The following CAPN3 variants were observed in gnomAD, a reference collection of about 807,000 sequenced individuals.
The protein encoded by CAPN3 is calpain 3.
Under a neutral mutation model 114.0 loss-of-function variants are expected in CAPN3, and 88 were observed. The ratio of observed to expected loss-of-function variants is 0.77; its 90% CI spans 0.65 to 0.92. The LOEUF (loss-of-function observed/expected upper bound fraction) is 0.92, where lower values mean the gene tolerates loss of function less well. Ranked by LOEUF, CAPN3 falls within the 40% of genes least tolerant of loss-of-function variation. The pLI, the probability that CAPN3 is intolerant of heterozygous loss-of-function variation, is 0.00. For synonymous variants in CAPN3, 386 were observed against 382.9 expected (o/e 1.01, Z -0.09); for missense variants, 1,028 against 1,069.0 (o/e 0.96, Z 0.53).
intron 1 of CAPN3, among the ~76,000 whole-genome samples, chr15:42,361,782 A>T (rs573055804): frequency 1.5e-3 from 232 of 152,132 alleles, no homozygotes; most frequent in Non-Finnish European, 2.8e-3. Context: ...CTTTCCCCAG[A>T]TCCTGACACA....
At chr15:42,383,114 T>C (rs901394874) in intron 1 of CAPN3, among the ~76,000 whole-genome samples, 3 of 152,070 alleles carry the variant, frequency 2.0e-5, no homozygotes, top group Non-Finnish European at 4.4e-5. Flanking sequence ...TGCTGTGGGG[T>C]GTAGCATAAG....
Position 42,389,950 on chromosome 15 carries a change from C to T in CAPN3, c.802-3C>T, listed in dbSNP as rs1376586945. ...GTTCCCTACATTCTCCATCGGGCCT[C>T]AGGATGGCACGAACATGACCTATGG... On this transcript the variant is annotated splice_polypyrimidine_tract_variant and splice_region_variant and intron_variant, in intron 5 of 23. Transcript: ENST00000397163. 6 of 1,614,090 alleles carry T rather than the reference C, an allele frequency of 3.7e-6. No individual in the cohort carries two copies. Among genetic ancestry groups the T allele is most frequent in the East Asian group, 2.2e-5 (1 of 44,884 alleles).
At chr15:42,396,772 T>G (rs748299263) in intron 8 of CAPN3, 28 bp from the exon 9 acceptor site, 15 of 1,585,226 alleles carry the variant, frequency 9.5e-6, no homozygotes, top group Non-Finnish European at 1.0e-5. Context: ...TTCTTCCTGC[T>G]TCCTTAATTC....
intron 15 of CAPN3, among the ~76,000 whole-genome samples, chr15:42,407,898 A>G (rs181513211): frequency 4.9e-4 from 70 of 144,310 alleles, no homozygotes; most frequent in African/African-American, 1.9e-3. Flanking sequence ...TTCCATCTGG[A>G]AAAAAAAAAG....
intron 1 of CAPN3, among the ~76,000 whole-genome samples, chr15:42,370,939 A>T (rs969339825): frequency 2.6e-5 from 4 of 152,064 alleles, no homozygotes; most frequent in African/African-American, 7.2e-5. Context: ...ACTTCATTCA[A>T]ATCCCAGCTC....
At chr15:42,397,928 A>G (rs1385407908) in intron 9 of CAPN3, among the ~76,000 whole-genome samples, 2 of 151,680 alleles carry the variant, frequency 1.3e-5, no homozygotes, top group African/African-American at 4.8e-5. Context: ...AGGCTGAAGC[A>G]GGGGGTCACT....
intron 17 of CAPN3, 111 bp from the exon 18 acceptor site, chr15:42,409,676 G>A: frequency 9.9e-7 from 1 of 1,009,874 alleles, no homozygotes; most frequent in Non-Finnish European, 1.6e-6. Context: ...TGACATAATA[G>A]CACCGACAGG....
In CAPN3 at chr15:42,389,028, C is replaced by T. The variant is rs1193170911; in HGVS notation, c.733C>T (p.Pro245Ser). ...VAEFFEIRDA[P>S]SDMYKIMKKA... is the part of the protein sequence containing the mutation. ...AGAGTTTTTTGAGATCAGGGATGCT[C>T]CTAGTGACATGTACAAGATCATGAA... Residue 245 changes from proline (P) to serine (S), a missense_variant, in exon 5 of 24, where the codon CCT becomes TCT. Pro to Ser is a moderately conservative substitution (Grantham distance 74, BLOSUM62 -1). Coordinates refer to ENST00000397163, the MANE Select transcript of CAPN3 (RefSeq NM_000070.3). 3 of 1,613,926 alleles carry T rather than the reference C, an allele frequency of 1.9e-6. No individual in the cohort carries two copies. The highest frequency in any genetic ancestry group is 2.2e-5 in the East Asian group (1 of 44,878).
intron 6 of CAPN3, among the ~76,000 whole-genome samples, chr15:42,390,878 C>T (rs1282843929): frequency 1.3e-5 from 2 of 150,700 alleles, no homozygotes; most frequent in Admixed American, 6.6e-5. Context: ...GCAACCTCTG[C>T]CTCCAAAGTT....
rs1306458941 is a variant in CAPN3 at position 42,411,737 on chromosome 15, C to A, written c.2440-10C>A. The A allele has an allele frequency of 1.6e-6, 2 of 1,277,054 alleles. No individual in the cohort carries two copies. The highest frequency in any genetic ancestry group is 1.2e-5 in the South Asian group (1 of 84,708). 79.1% of individuals were successfully genotyped at this position (1,277,054 alleles called of 1,614,324 possible). The stretch of plus-strand genomic sequence containing the variant: ...TCTGATCTACATTCTGATCTTGGGA[C>A]TTCTTTCAGTGGCTGCAGCTCACCA... On this transcript the variant is annotated splice_polypyrimidine_tract_variant and intron_variant, in intron 23 of 23. Coordinates refer to ENST00000397163, the MANE Select transcript of CAPN3 (RefSeq NM_000070.3).
rs775813174 is a variant in CAPN3, at chr15:42,389,941, A to T, written c.802-12A>T. The T allele has an allele frequency of 1.2e-6, 2 of 1,613,420 alleles. No individual in the cohort carries two copies. Among genetic ancestry groups the T allele is most frequent in the South Asian group, 2.2e-5 (2 of 91,054 alleles). ...CCCTGTGTTGTTCCCTACATTCTCC[A>T]TCGGGCCTCAGGATGGCACGAACAT... On this transcript the variant is annotated splice_polypyrimidine_tract_variant and intron_variant, in intron 5 of 23. Transcript: ENST00000397163.
chr15:42,408,704 G>A (rs185617104), intron 16 of CAPN3: 96 of 358,340 alleles, frequency 2.7e-4, no homozygotes, highest in Middle Eastern at 1.0e-3. Context: ...AGAAAAGTGG[G>A]GCTGACTTCA....
chr15:42,369,870 CTTT>C (rs748584513), intron 1 of CAPN3, among the ~76,000 whole-genome samples: 10 of 126,968 alleles, frequency 7.9e-5, no homozygotes, highest in Non-Finnish European at 8.2e-5. Flanking sequence ...TTCTTTCTTT[CTTT>C]TTTTTTTTTT....
In CAPN3 at chr15:42,411,731, T is replaced by C. The variant is rs772187322; in HGVS notation, c.2440-16T>C. ...CTCTTTTCTGATCTACATTCTGATC[T>C]TGGGACTTCTTTCAGTGGCTGCAGC... On this transcript the variant is annotated splice_polypyrimidine_tract_variant and intron_variant, in intron 23 of 23. Transcript: ENST00000397163. The C allele has an allele frequency of 6.7e-6, 9 of 1,334,384 alleles. No individual in the cohort carries two copies. The highest frequency in any genetic ancestry group is 9.7e-6 in the Non-Finnish European group (9 of 928,776). The allele number at this position is 1,334,384 out of a possible 1,614,324, so 82.7% of individuals were successfully genotyped here. A position where few individuals can be genotyped will look rare whatever the true frequency, so the allele number is the denominator to read the frequency against.
chr15:42,399,607 C>A lies in CAPN3; in HGVS notation c.1309C>A (p.Arg437Ser). Reference sequence around the variant, plus strand: ...CTGGACAGTGTCTGTGAACGAGGGCCGCTGGGTACGGGGTTGCTCTGCCGG... The same window carrying A: ...CTGGACAGTGTCTGTGAACGAGGGCAGCTGGGTACGGGGTTGCTCTGCCGG... ...QTWTVSVNEG[R>S]WVRGCSAGGC... is the part of the protein sequence containing the mutation. The change falls in exon 10 of 24, where the codon CGC becomes AGC. Residue 437 changes from arginine to serine, a missense_variant. Arg to Ser is a moderately radical substitution (Grantham distance 110). Coordinates refer to ENST00000397163, the MANE Select transcript of CAPN3 (RefSeq NM_000070.3). 1 of 1,613,234 alleles carries A rather than the reference C, an allele frequency of 6.2e-7. No homozygotes were observed. The highest frequency in any genetic ancestry group is 8.5e-7 in the Non-Finnish European group (1 of 1,179,780).
intron 1 of CAPN3, among the ~76,000 whole-genome samples, chr15:42,364,153 C>T (rs2052720224): frequency 6.6e-6 from 1 of 152,196 alleles, no homozygotes; most frequent in South Asian, 2.1e-4. Context: ...GATGGAATGG[C>T]ACAGTGGCTA....
chr15:42,409,865 G>T (rs1566984826), intron 18 of CAPN3, 21 bp downstream of exon 18: 8 of 1,593,378 alleles, frequency 5.0e-6, no homozygotes, highest in Non-Finnish European at 6.9e-6. Flanking sequence ...CAAACCAAAT[G>T]GGGGTGGGGT....
chr15:42,409,848 A>T lies in CAPN3; in HGVS notation c.2050+4A>T. The T allele has an allele frequency of 1.0e-6, 1 of 954,202 alleles. No homozygotes were observed. The highest frequency in any genetic ancestry group is 1.5e-6 in the Non-Finnish European group (1 of 665,858). The allele number at this position is 954,202 out of a possible 1,614,324, so 59.1% of individuals were successfully genotyped here. A position where few individuals can be genotyped will look rare whatever the true frequency, so the allele number is the denominator to read the frequency against. On this transcript the variant is annotated splice_donor_region_variant and intron_variant, in intron 18 of 23. Transcript: ENST00000397163. ...CTTAACACAGTCGTGAACAAACGTG[A>T]GTTGCTCAAACCAAATGGGGGTGGG...
At chr15:42,388,784 C>G in intron 4 of CAPN3, 144 bp from the exon 5 acceptor site, 1 of 789,036 alleles carries the variant, frequency 1.3e-6, no homozygotes, top group Admixed American at 1.8e-5. Flanking sequence ...ATCATTGTTT[C>G]CATCCCATGA....
Sources: gnomAD v4.1 joint callset for allele counts (sites outside exome capture counted in the v4.1 genomes callset) on GRCh38, gnomAD v4.1.1 for gene constraint, MANE v1.5 for transcripts, NCBI Gene and HGNC (gene_info 2026-07-23, HGNC 2026-07-21) for gene names.